The following ADSL variants were observed in gnomAD, a reference collection of about 807,000 sequenced individuals.
The protein encoded by ADSL is adenylosuccinase.
In ADSL, 44 loss-of-function variants were observed where a neutral mutation model predicts 62.1. The observed-to-expected ratio is 0.71, with a 90% CI of 0.56 to 0.91. ADSL has a LOEUF of 0.91. Ranked by LOEUF, ADSL falls within the 40% of genes least tolerant of loss-of-function variation. ADSL has a pLI of 0.00. For synonymous variants in ADSL, 198 were observed against 220.5 expected (o/e 0.90, Z 0.90); for missense variants, 531 against 627.4 (o/e 0.85, Z 1.64).
chr22:40,360,488 A>G lies in ADSL; in HGVS notation c.788A>G (p.His263Arg). 2 of 1,613,678 alleles carry G rather than the reference A, an allele frequency of 1.2e-6. No individual in the cohort carries two copies. Among genetic ancestry groups the G allele is most frequent in the South Asian group, 1.1e-5 (1 of 91,084 alleles). ...CTGGCTAGCTTGGGGGCATCAGTGCACAAGGTGAGTGGTGGCAGCATGTGG... is the reference window on the plus strand; with the variant it reads ...CTGGCTAGCTTGGGGGCATCAGTGCGCAAGGTGAGTGGTGGCAGCATGTGG... ...SVLASLGASVHKICTDIRLLA... is the reference protein window; with the variant it reads ...SVLASLGASVRKICTDIRLLA... Residue 263 changes from histidine to arginine, a missense_variant, in exon 7 of 13, where the codon CAC (histidine) becomes CGC (arginine). Around this residue, in one of 2 missense-constraint regions of ADSL, gnomAD observed 471 missense variants for 592.9 expected, o/e 0.79. Coordinates refer to ENST00000623063, the MANE Select transcript of ADSL (RefSeq NM_000026.4).
chr22:40,356,535 CAAA>C (rs113457420), intron 4 of ADSL, among the ~76,000 whole-genome samples: 11 of 79,726 alleles, frequency 1.4e-4, no homozygotes, highest in Admixed American at 4.1e-4. Context: ...ATTCCGTCTC[CAAA>C]AAAAAAAAAA....
intron 4 of ADSL, among the ~76,000 whole-genome samples, chr22:40,355,553 G>A (rs776834682): frequency 4.6e-5 from 7 of 152,084 alleles, no homozygotes; most frequent in Non-Finnish European, 7.4e-5. Flanking sequence ...TCAGAACTTC[G>A]GTTCTTTTTA....
rs71263543 is a variant in ADSL at position 40,349,375 on chromosome 22, C to CTT, written c.154-442_154-441dup. Reference sequence around the variant, plus strand: ...TTGTTGTTTTATTTATTGGAGCTTTCTTTTTTTTTTTTTTTTGGAGACAGA... The same window carrying CTT: ...TTGTTGTTTTATTTATTGGAGCTTTCTTTTTTTTTTTTTTTTTTGGAGACAGA... On this transcript the variant is annotated intron_variant, in intron 1 of 12. Coordinates refer to ENST00000623063, the MANE Select transcript of ADSL (RefSeq NM_000026.4). 4.9e-3 allele frequency among the ~76,000 whole-genome samples: 660 copies of CTT among 135,918 alleles called. 9 individuals carry two copies. The highest frequency in any genetic ancestry group is 0.011 in the Middle Eastern group (3 of 266). 89.2% of individuals were successfully genotyped at this position (135,918 alleles called of 152,430 possible). A position where few individuals can be genotyped will look rare whatever the true frequency, so the allele number is the denominator to read the frequency against.
At chr22:40,346,811 C>G in intron 1 of ADSL, 100 bp downstream of exon 1, 1 of 1,285,118 alleles carries the variant, frequency 7.8e-7, no homozygotes. Context: ...CCCGGAGCTG[C>G]GGCCCGGCTA....
Position 40,375,202 on chromosome 22 carries a change from T to G in ADSL, c.89+8704T>G, listed in dbSNP as rs563572581. ...CATGTTTTGTATTTGTTTTTCTCTC[T>G]ACTAATGATGTAAATTGTTTTGGGA... On this transcript the variant is annotated intron_variant, in intron 2 of 2. Transcript: ENST00000498234. Among the ~76,000 whole-genome samples the G allele has an allele frequency of 7.2e-5, 11 of 152,364 alleles. No homozygotes were observed. In the South Asian group the frequency reaches 2.3e-3, roughly 32 times the overall value.
chr22:40,382,927 C>T (rs1016384228), intron 2 of ADSL, among the ~76,000 whole-genome samples: 1 of 152,194 alleles, frequency 6.6e-6, no homozygotes, highest in South Asian at 2.1e-4. Context: ...AGGCCCAGGC[C>T]TTCTTGCTTC....
At chr22:40,347,702 G>C (rs976536587) in intron 1 of ADSL, among the ~76,000 whole-genome samples, 1 of 152,192 alleles carries the variant, frequency 6.6e-6, no homozygotes, top group Non-Finnish European at 1.5e-5. Context: ...CATTCAGATA[G>C]TGCCTTCTGA....
At chr22:40,354,105 T>A in intron 3 of ADSL, 143 bp from the exon 4 acceptor site, 1 of 822,314 alleles carries the variant, frequency 1.2e-6, no homozygotes, top group South Asian at 1.4e-5. Context: ...CACTTTAGGG[T>A]ACAAAGATGG....
chr22:40,385,316 C>G (rs907672831), intron 2 of ADSL, among the ~76,000 whole-genome samples: 1 of 152,104 alleles, frequency 6.6e-6, no homozygotes, highest in Non-Finnish European at 1.5e-5. Flanking sequence ...GGGATAAGAG[C>G]TAGAAAGGTA....
In ADSL at chr22:40,350,621, T is replaced by A. The variant is rs544972807; in HGVS notation, c.357+586T>A. On this transcript the variant is annotated intron_variant, in intron 2 of 12. Coordinates refer to ENST00000623063, the MANE Select transcript of ADSL (RefSeq NM_000026.4). ...TGGCTGAGGTAATTTTTCAAAGGAA[T>A]TTTTTTTTTTTCTTTGAGATGGAGT... is the stretch of plus-strand genomic sequence containing the variant. Among the ~76,000 whole-genome samples the A allele has an allele frequency of 9.6e-5, 14 of 146,392 alleles. No homozygotes were observed. In the East Asian group the frequency reaches 2.2e-3, roughly 23 times the overall value.
chr22:40,348,712 A>T, intron 1 of ADSL: 1 of 397,736 alleles, frequency 2.5e-6, no homozygotes, highest in Non-Finnish European at 4.4e-6. Context: ...TAATTAATCA[A>T]TTTAAATTTA....
At chr22:40,356,201 C>CAA (rs938069843) in intron 4 of ADSL, among the ~76,000 whole-genome samples, 21 of 126,498 alleles carry the variant, frequency 1.7e-4, no homozygotes, top group African/African-American at 5.0e-4. Flanking sequence ...GACTCCACCT[C>CAA]AAAAAAAAAA....
chr22:40,364,954 C>A lies in ADSL; in HGVS notation c.1266C>A (p.Asp422Glu). 1.2e-6 allele frequency: 2 copies of A among 1,614,110 alleles called. No individual in the cohort carries two copies. Among genetic ancestry groups the A allele is most frequent in the South Asian group, 2.2e-5 (2 of 91,082 alleles). The change falls in exon 12 of 13, where the codon GAC (aspartate) becomes GAA (glutamate). Residue 422 changes from aspartate (D) to glutamate (E), a missense_variant. Asp to Glu is a conservative substitution (Grantham distance 45, BLOSUM62 2). Coordinates refer to ENST00000623063, the MANE Select transcript of ADSL (RefSeq NM_000026.4). ...SVVKQEGGDN[D>E]LIERIQVDAY... is the part of the protein sequence containing the mutation. ...TTAAGCAGGAAGGGGGTGACAATGA[C>A]CTCATAGAGCGTATCCAGGTTGATG...
chr22:40,350,300 A>AT (rs1601553411), intron 2 of ADSL: 6 of 407,326 alleles, frequency 1.5e-5, no homozygotes, highest in Admixed American at 4.1e-5. Flanking sequence ...ATTTTTTTGT[A>AT]TTTTTTTAGT....
In ADSL at chr22:40,364,319, C is replaced by T. The variant is rs2044914041; in HGVS notation, c.1145C>T (p.Thr382Ile). The T allele has an allele frequency of 6.2e-7, 1 of 1,614,008 alleles. No homozygotes were observed. Among genetic ancestry groups the T allele is most frequent in the African/African-American group, 1.3e-5 (1 of 74,912 alleles). Reference protein sequence around the residue: ...RIRQELPFMATENIIMAMVKA... With the variant: ...RIRQELPFMAIENIIMAMVKA... The stretch of plus-strand genomic sequence containing the variant: ...CGGCAAGAGCTGCCTTTCATGGCCA[C>T]AGAGAACATCATCATGGCCATGGTC... Residue 382 changes from threonine to isoleucine, a missense_variant, in exon 11 of 13, where the codon ACA becomes ATA. This residue lies in a region of ADSL where 471 missense variants were observed against 592.9 expected (regional missense o/e 0.79). Coordinates refer to ENST00000623063, the MANE Select transcript of ADSL (RefSeq NM_000026.4).
At chr22:40,353,407 C>T (rs1045833468) in intron 3 of ADSL, 5 of 702,228 alleles carry the variant, frequency 7.1e-6, no homozygotes, top group Non-Finnish European at 1.3e-5. Context: ...GCTCTCCTGT[C>T]TCAGTCTCCC....
chr22:40,369,142 T>G lies in ADSL; in HGVS notation c.*2620T>G, dbSNP rs2045105110. The G allele has an allele frequency of 6.6e-6, 1 of 152,188 alleles. No individual in the cohort carries two copies. The highest frequency in any genetic ancestry group is 2.1e-4 in the South Asian group (1 of 4,828). The allele number at this position is 152,188 out of a possible 1,614,324, so 9.4% of individuals were successfully genotyped here. The stretch of plus-strand genomic sequence containing the variant: ...GGATTTTAGTTAATACATTTCCTCA[T>G]AGAAAATAAGGAAATAACAGTCTTG... On this transcript the variant is annotated 3_prime_UTR_variant, in exon 13 of 13. Coordinates refer to ENST00000623063, the MANE Select transcript of ADSL (RefSeq NM_000026.4).
chr22:40,359,476 C>CTTTTTT (rs56719087), intron 6 of ADSL, among the ~76,000 whole-genome samples, 170 bp downstream of exon 6: 3 of 43,856 alleles, frequency 6.8e-5, no homozygotes, highest in Non-Finnish European at 7.8e-5. Flanking sequence ...TATCTGGATT[C>CTTTTTT]TTTTTTTTTT....
At chr22:40,359,434 TCCTGTCTCTATCCTGGG>T in intron 6 of ADSL, 128 bp downstream of exon 6, 1 of 832,694 alleles carries the variant, frequency 1.2e-6, no homozygotes, top group Non-Finnish European at 2.1e-6. Flanking sequence ...TTTTTTTTTT[TCCTGTCTCTATCCTGGG>T]TTTTACTTTC....
Sources: gnomAD v4.1 joint callset for allele counts (sites outside exome capture counted in the v4.1 genomes callset) on GRCh38, gnomAD v4.1.1 for gene constraint, gnomAD v4.1.1 regional missense constraint, MANE v1.5 for transcripts, NCBI Gene and HGNC (gene_info 2026-07-23, HGNC 2026-07-21) for gene names.